ZNF561: variants seen among roughly 807,000 people sequenced by gnomAD.
The protein encoded by ZNF561 is zinc finger protein 561.
In ZNF561, 16 loss-of-function variants were observed where a neutral mutation model predicts 16.7. The ratio of observed to expected loss-of-function variants is 0.96; its 90% confidence interval spans 0.65 to 1.45. The LOEUF (loss-of-function observed/expected upper bound fraction) is 1.45, where lower values mean the gene tolerates loss of function less well. Ranked by LOEUF, ZNF561 falls within the 40% of genes most tolerant of loss-of-function variation. ZNF561 has a pLI of 0.00. For synonymous variants in ZNF561, 190 were observed against 192.1 expected, an observed-to-expected ratio of 0.99 and a Z score of 0.09; for missense variants, 580 against 578.0, an observed-to-expected ratio of 1.00 and a Z score of -0.04.
intron 1 of ZNF561, among the ~76,000 whole-genome samples, chr19:9,620,634 C>G: frequency 6.6e-6 from 1 of 152,144 alleles, no homozygotes; most frequent in East Asian, 1.9e-4. Context: ...TACCCCCCCG[C>G]CATATGACCA....
chr19:9,616,565 G>A (rs1415747555), intron 4 of ZNF561, among the ~76,000 whole-genome samples: 1 of 151,804 alleles, frequency 6.6e-6, no homozygotes, highest in African/African-American at 2.4e-5. Flanking sequence ...ATAGATGTAA[G>A]CCACCACAAC....
chr19:9,621,107 T>G (rs1421766236), intron 1 of ZNF561, 55 bp downstream of exon 1: 1 of 152,786 alleles, frequency 6.5e-6, no homozygotes, highest in African/African-American at 2.4e-5. Context: ...CAGCGCGCAA[T>G]CATTCCTTTG....
chr19:9,619,707 C>T (rs2074624104), intron 1 of ZNF561, 125 bp from the exon 2 acceptor site: 1 of 371,392 alleles, frequency 2.7e-6, no homozygotes, highest in African/African-American at 2.1e-5. Context: ...TACCGTCACT[C>T]AGTAACAAAA....
rs201186133 is a variant in ZNF561 at position 9,611,054 on chromosome 19, C to T, written c.607G>A (p.Gly203Arg). The T allele has an allele frequency of 4.5e-5, 72 of 1,614,018 alleles. 4 individuals are homozygous for T. In the Middle Eastern group the frequency reaches 6.2e-3, roughly 140 times the overall value. ...CTTGCAAAATACTTAAAGCCTTTTC[C>T]ACATTCCTTACATTTGTAGGGTTGT... The part of the protein sequence containing the change: ...ARQPYKCKEC[G>R]KGFKYFASLD... The change falls in exon 6 of 6, where the codon GGA becomes AGA. Residue 203 changes from glycine (G) to arginine (R), a missense_variant. Coordinates refer to ENST00000302851, the MANE Select transcript of ZNF561 (RefSeq NM_152289.3).
In ZNF561 at chr19:9,611,088, G is replaced by A; in HGVS notation, c.573C>T (p.Leu191=). 1 of 1,614,132 alleles carries A rather than the reference G, an allele frequency of 6.2e-7. No individual in the cohort carries two copies. Among genetic ancestry groups the A allele is most frequent in the South Asian group, 1.1e-5 (1 of 91,084 alleles). Residue 191 remains leucine, a synonymous_variant, in exon 6 of 6, where the codon CTC becomes CTT. Coordinates refer to ENST00000302851, the MANE Select transcript of ZNF561 (RefSeq NM_152289.3). The part of the protein sequence containing the change: ...TPGLAVHLEV[L]NARQPYKCKE... The stretch of plus-strand genomic sequence containing the variant: ...TACATTTGTAGGGTTGTCTTGCATT[G>A]AGAACTTCAAGATGTACAGCAAGAC...
intron 2 of ZNF561, among the ~76,000 whole-genome samples, chr19:9,618,772 A>G (rs56882794): frequency 0.014 from 2,198 of 151,824 alleles, 54 homozygotes; most frequent in African/African-American, 0.05. Context: ...AGTAACACTC[A>G]TGAAGCTTAT....
At chr19:9,614,663 T>C (rs2074522009) in intron 4 of ZNF561, among the ~76,000 whole-genome samples, 1 of 151,754 alleles carries the variant, frequency 6.6e-6, no homozygotes, top group African/African-American at 2.4e-5. Context: ...GAAAGGAAAG[T>C]AGGAAAGATC....
chr19:9,610,572 T>C lies in ZNF561; in HGVS notation c.1089A>G (p.Lys363=), dbSNP rs750225089. The C allele has an allele frequency of 8.0e-5, 129 of 1,613,342 alleles. No individual in the cohort carries two copies. The South Asian group carries it at 1.4e-3, about 17-fold the overall frequency. The change falls in exon 6 of 6, where the codon AAA becomes AAG. Residue 363 remains lysine (K), a synonymous_variant. Coordinates refer to ENST00000302851, the MANE Select transcript of ZNF561 (RefSeq NM_152289.3). ...TCCCACATTCCTTACACTGATAGGG[T>C]TTCTTTCCACTGTGACTTCGTATGT... ...SIHIRSHSGK[K]PYQCKECGKA...
At chr19:9,618,272 C>G in intron 2 of ZNF561, 93 bp from the exon 3 acceptor site, 2 of 1,216,040 alleles carry the variant, frequency 1.6e-6, no homozygotes, top group South Asian at 1.3e-5. Flanking sequence ...GCTTGAAATT[C>G]CGATATGCTC....
intron 4 of ZNF561, 133 bp from the exon 5 acceptor site, chr19:9,614,236 A>G (rs2144885770): frequency 1.8e-6 from 2 of 1,140,978 alleles, no homozygotes; most frequent in Non-Finnish European, 2.5e-6. Flanking sequence ...ATTTTGGTAC[A>G]TCAAAAATTT....
In ZNF561 at chr19:9,614,122, A is replaced by G; in HGVS notation, c.242-19T>C. 6.2e-7 allele frequency: 1 copy of G among 1,612,614 alleles called. No homozygotes were observed. The highest frequency in any genetic ancestry group is 8.5e-7 in the Non-Finnish European group (1 of 1,178,966). ...TCCCATTCTAAAGTTAAGCAGAAAAAGAAACGTAAGGATTTAGAGAAGAAA... is the reference window on the plus strand; with the variant it reads ...TCCCATTCTAAAGTTAAGCAGAAAAGGAAACGTAAGGATTTAGAGAAGAAA... On this transcript the variant is annotated intron_variant, in intron 4 of 5. Transcript: ENST00000302851.
In ZNF561 at chr19:9,610,051, T is replaced by C; in HGVS notation, c.*149A>G. The C allele has an allele frequency of 1.4e-6, 1 of 691,608 alleles. No individual in the cohort carries two copies. Among genetic ancestry groups the C allele is most frequent in the Non-Finnish European group, 2.3e-6 (1 of 428,326 alleles). 42.8% of individuals were successfully genotyped at this position (691,608 alleles called of 1,614,324 possible). Reference sequence around the variant, plus strand: ...TGCCCAGACTCAGGCAACCATGATGTTGTATTCAGAACCTGTAGGTTTAAT... The same window carrying C: ...TGCCCAGACTCAGGCAACCATGATGCTGTATTCAGAACCTGTAGGTTTAAT... On this transcript the variant is annotated 3_prime_UTR_variant, in exon 6 of 6. Coordinates refer to ENST00000302851, the MANE Select transcript of ZNF561 (RefSeq NM_152289.3).
rs925719049 is a variant in ZNF561 at position 9,618,170 on chromosome 19, G to GA, written c.34dup (p.Ser12PhefsTer9). ...TTCAAAAGGGCAGATTGGTTCCCTG[G>GA]AAAAAAACCCTAGTGGAAAAGTAAG... On this transcript the variant is annotated frameshift_variant, in exon 3 of 6. Transcript: ENST00000302851. LOFTEE classifies it high-confidence loss of function. 9.0e-6 allele frequency: 14 copies of GA among 1,550,518 alleles called. No individual in the cohort carries two copies. The highest frequency in any genetic ancestry group is 8.2e-5 in the African/African-American group (6 of 72,946).
chr19:9,620,702 G>A (rs1475965842), intron 1 of ZNF561, among the ~76,000 whole-genome samples: 1 of 152,178 alleles, frequency 6.6e-6, no homozygotes, highest in Non-Finnish European at 1.5e-5. Flanking sequence ...GTGTGTTATT[G>A]ATAACTTCAT....
intron 2 of ZNF561, 58 bp downstream of exon 2, chr19:9,619,374 T>C: frequency 6.3e-7 from 1 of 1,589,698 alleles, no homozygotes; most frequent in Admixed American, 1.7e-5. Flanking sequence ...TGGACGCTTG[T>C]GTTGTGGAGG....
intron 5 of ZNF561, among the ~76,000 whole-genome samples, chr19:9,611,708 G>A (rs2074461650): frequency 6.6e-6 from 1 of 152,018 alleles, no homozygotes; most frequent in African/African-American, 2.4e-5. Flanking sequence ...GCCTCCCAAA[G>A]TGGTGATATT....
chr19:9,617,447 A>G, intron 3 of ZNF561: 1 of 486,734 alleles, frequency 2.1e-6, no homozygotes, highest in Non-Finnish European at 2.7e-6. Flanking sequence ...TAAATTTTAA[A>G]TTTTATTTTT....
At chr19:9,621,099 G>A (rs2074666798) in intron 1 of ZNF561, 63 bp downstream of exon 1, 1 of 152,820 alleles carries the variant, frequency 6.5e-6, no homozygotes. Flanking sequence ...CTAGGCGACA[G>A]CGCGCAATCA....
rs1006400471 is a variant in ZNF561, at chr19:9,613,891, C to G, written c.324+130G>C. The G allele has an allele frequency of 4.6e-6, 5 of 1,087,640 alleles. No individual in the cohort carries two copies. The South Asian group carries it at 7.2e-5, about 16-fold the overall frequency. The allele number at this position is 1,087,640 out of a possible 1,614,324, so 67.4% of individuals were successfully genotyped here. Reference sequence around the variant, plus strand: ...TGAACTCTTGGGCTCAAATGAGACCCCCACTTCAGCCTCCCAAATAGCTGG... The same window carrying G: ...TGAACTCTTGGGCTCAAATGAGACCGCCACTTCAGCCTCCCAAATAGCTGG... On this transcript the variant is annotated intron_variant, in intron 5 of 5. Coordinates refer to ENST00000302851, the MANE Select transcript of ZNF561 (RefSeq NM_152289.3).
Sources: allele counts gnomAD v4.1 joint callset (sites outside exome capture counted in the v4.1 genomes callset), GRCh38; gene constraint gnomAD v4.1.1; transcripts MANE v1.5; gene names NCBI Gene and HGNC (gene_info 2026-07-23, HGNC 2026-07-21).